PMEL: variants seen among roughly 807,000 people sequenced by gnomAD.
PMEL encodes the protein melanocyte protein PMEL.
A neutral mutation model predicts 64.9 loss-of-function variants in PMEL; 53 were observed. The ratio of observed to expected loss-of-function variants is 0.82; its 90% CI spans 0.66 to 1.03. The LOEUF is 1.03. Among genes scored for constraint, PMEL ranks in the 50% least tolerant of loss-of-function variants. The pLI, the probability that PMEL is intolerant of heterozygous loss-of-function variation, is 0.00. For missense variants in PMEL, 716 were observed against 814.9 expected, an observed-to-expected ratio of 0.88 and a Z score of 1.48; for synonymous variants, 299 against 316.2, an observed-to-expected ratio of 0.95 and a Z score of 0.58.
chr12:55,965,720 T>C (rs1374919990), intron 1 of PMEL, among the ~76,000 whole-genome samples: 1 of 152,178 alleles, frequency 6.6e-6, no homozygotes, highest in South Asian at 2.1e-4. Flanking sequence ...AGAGACCTTC[T>C]ATCCTTCTGC....
intron 6 of PMEL, chr12:55,956,495 G>A: frequency 2.5e-6 from 1 of 400,264 alleles, no homozygotes; most frequent in Admixed American, 4.1e-5. Context: ...CAGGTCCTAG[G>A]CTAGACATTC....
intron 10 of PMEL, among the ~76,000 whole-genome samples, chr12:55,954,899 C>T (rs1304269952): frequency 3.3e-5 from 5 of 151,434 alleles, no homozygotes; most frequent in South Asian, 2.1e-4. Flanking sequence ...GGTGAAACTC[C>T]GTCTCAAAAA....
Position 55,958,646 on chromosome 12 carries a change from T to C in PMEL, c.335-39A>G, listed in dbSNP as rs762027096. ...ACAGAGTCACTCTCAAACCCTGGCA[T>C]TCTTTTTTGTATATCAAAACCCCTA... is the stretch of plus-strand genomic sequence containing the variant. On this transcript the variant is annotated intron_variant, in intron 3 of 10. Transcript: ENST00000548747. 8 of 1,596,828 alleles carry C rather than the reference T, an allele frequency of 5.0e-6. 1 individual carries two copies. The Admixed American group carries it at 1.4e-4, about 28-fold the overall frequency.
chr12:55,957,648 CGCT>C lies in PMEL; in HGVS notation c.652_654del (p.Ser218del). 6.2e-7 allele frequency: 1 copy of C among 1,611,632 alleles called. No homozygotes were observed. On this transcript the variant is annotated inframe_deletion, in exon 6 of 11. Transcript: ENST00000548747. ...CCATCCAAGGCCCGCAACTGGGACACGCTCACGGAGAAAGGCACCTGGTCTGGG... is the reference window on the plus strand; with the variant it reads ...CCATCCAAGGCCCGCAACTGGGACACCACGGAGAAAGGCACCTGGTCTGGG...
intron 3 of PMEL, among the ~76,000 whole-genome samples, chr12:55,959,804 C>T (rs1409555137): frequency 6.6e-6 from 1 of 151,904 alleles, no homozygotes; most frequent in East Asian, 1.9e-4. Context: ...GACTCTGTCT[C>T]AAAAATAAAT....
rs753104093 is a variant in PMEL, at chr12:55,954,308, G to C, written c.1892C>G (p.Pro631Arg). Residue 631 changes from proline to arginine, a missense_variant, in exon 11 of 11, where the codon CCA (proline) becomes CGA (arginine). Transcript: ENST00000548747. ...MKQDFSVPQL[P>R]HSSSHWLRLP... ...ACGCAGCCAGTGACTGCTGCTATGTGGCAACTGGGGTACGGAGAAGTCTTG... is the reference window on the plus strand; with the variant it reads ...ACGCAGCCAGTGACTGCTGCTATGTCGCAACTGGGGTACGGAGAAGTCTTG... 17 of 1,613,970 alleles carry C rather than the reference G, an allele frequency of 1.1e-5. 1 individual carries two copies. In the Admixed American group the frequency reaches 2.2e-4, roughly 21 times the overall value.
Position 55,955,329 on chromosome 12 carries a change from T to G in PMEL, c.1795A>C (p.Ile599Leu), listed in dbSNP as rs1369170766. 1.1e-5 allele frequency: 17 copies of G among 1,614,164 alleles called. No individual in the cohort carries two copies. The highest frequency in any genetic ancestry group is 1.4e-5 in the Non-Finnish European group (17 of 1,180,022). Residue 599 changes from isoleucine (I) to leucine (L), a missense_variant, in exon 10 of 11, where the codon ATC becomes CTC. Coordinates refer to ENST00000548747, the MANE Select transcript of PMEL (RefSeq NM_001384361.1). ...ATCAACACCAGCAAGATGCCCACGA[T>G]CAGCGGAACCTGCCCAAGGCCTGCT... ...QEAGLGQVPL[I>L]VGILLVLMAV...
upstream of PMEL, chr12:55,966,698 G>C (rs1275179574): frequency 1.8e-5 from 20 of 1,106,832 alleles, no homozygotes; most frequent in Non-Finnish European, 2.2e-5. Context: ...ATCATTTGCG[G>C]GGAGGAGCGC....
chr12:55,955,514 AGAGACACATTGAGGCAGTATGTCCCC>A lies in PMEL; in HGVS notation c.1686_1711del (p.Thr564Ter). 6.2e-7 allele frequency: 1 copy of A among 1,614,158 alleles called. No homozygotes were observed. The highest frequency in any genetic ancestry group is 8.5e-7 in the Non-Finnish European group (1 of 1,179,990). On this transcript the variant is annotated frameshift_variant, in exon 9 of 11. Transcript: ENST00000548747. LOFTEE classifies it high-confidence loss of function. ...CACTGCCAGGCTGTTGGTATCAGCCAGAGACACATTGAGGCAGTATGTCCCCGAGCCACCCTTCAGTATCTGGTGCA... is the reference window on the plus strand; with the variant it reads ...CACTGCCAGGCTGTTGGTATCAGCCAGAGCCACCCTTCAGTATCTGGTGCA...
At chr12:55,954,634 G>A (rs924684981) in intron 10 of PMEL, among the ~76,000 whole-genome samples, 4 of 152,130 alleles carry the variant, frequency 2.6e-5, no homozygotes, top group African/African-American at 7.2e-5. Flanking sequence ...GGCCAGGCAC[G>A]GTGGCTCATG....
chr12:55,954,268 G>T lies in PMEL; in HGVS notation c.1932C>A (p.Phe644Leu). The T allele has an allele frequency of 1.9e-6, 3 of 1,614,050 alleles. No individual in the cohort carries two copies. Among genetic ancestry groups the T allele is most frequent in the Non-Finnish European group, 2.5e-6 (3 of 1,179,902 alleles). ...SSHWLRLPRI[F>L]CSCPIGENSP... is the part of the protein sequence containing the mutation. ...TGTTCTCACCAATGGGACAAGAGCA[G>T]AAGATGCGGGGTAGACGCAGCCAGT... Residue 644 changes from phenylalanine to leucine, a missense_variant, in exon 11 of 11, where the codon TTC becomes TTA. Transcript: ENST00000548747.
At chr12:55,959,386 A>AAAATAAATAAATAAATAAAT (rs200660768) in intron 3 of PMEL, among the ~76,000 whole-genome samples, 34 of 150,090 alleles carry the variant, frequency 2.3e-4, no homozygotes, top group African/African-American at 8.2e-4. Context: ...CCCCGACTTT[A>AAAATAAATAAATAAATAAAT]AAATAAATAA....
chr12:55,958,164 T>C, intron 4 of PMEL, 80 bp from the exon 5 acceptor site: 4 of 1,421,180 alleles, frequency 2.8e-6, no homozygotes, highest in Non-Finnish European at 3.9e-6. Flanking sequence ...GAAACGGCAC[T>C]GGAGATGGGA....
intron 7 of PMEL, 60 bp downstream of exon 7, chr12:55,956,043 T>C (rs1291538364): frequency 2.4e-6 from 3 of 1,254,136 alleles, no homozygotes; most frequent in East Asian, 2.3e-5. Context: ...GTGCTTCCAC[T>C]GACCAGCCCT....
intron 10 of PMEL, among the ~76,000 whole-genome samples, chr12:55,954,960 A>T (rs555807903): frequency 1.3e-5 from 2 of 152,136 alleles, no homozygotes; most frequent in South Asian, 4.2e-4. Context: ...CATATTATTA[A>T]CAACAGTCAT....
chr12:55,965,518 G>T (rs1889265605), intron 1 of PMEL, among the ~76,000 whole-genome samples: 1 of 151,618 alleles, frequency 6.6e-6, no homozygotes, highest in Admixed American at 6.6e-5. Flanking sequence ...TCTGGGCTGT[G>T]TTCACCCGTA....
chr12:55,960,458 C>A (rs187575417), intron 3 of PMEL, among the ~76,000 whole-genome samples: 2 of 151,682 alleles, frequency 1.3e-5, no homozygotes, highest in African/African-American at 4.8e-5. Flanking sequence ...GTCTCGACCT[C>A]CCAGGCTCAT....
At chr12:55,958,757 G>A in intron 3 of PMEL, 150 bp from the exon 4 acceptor site, 1 of 758,966 alleles carries the variant, frequency 1.3e-6, no homozygotes. Context: ...CATTTGGGGT[G>A]GTAGTTGGGG....
At position 55,955,632 on chromosome 12, in the gene PMEL, C is replaced by A. The variant is rs1888843141; in HGVS notation, c.1594G>T (p.Gly532Trp). ...KEACMEISSP[G>W]CQPPAQRLCQ... ...AGCCGCTGGGCAGGGGGCTGGCACCCTGGCGATGAGATCTCCATGCAGGCT... is the reference window on the plus strand; with the variant it reads ...AGCCGCTGGGCAGGGGGCTGGCACCATGGCGATGAGATCTCCATGCAGGCT... The change falls in exon 9 of 11, where the codon GGG (glycine) becomes TGG (tryptophan). Residue 532 changes from glycine to tryptophan, a missense_variant. By Grantham distance (184) the Gly-to-Trp change is radical. Coordinates refer to ENST00000548747, the MANE Select transcript of PMEL (RefSeq NM_001384361.1). 1.2e-6 allele frequency: 2 copies of A among 1,613,414 alleles called. No individual in the cohort carries two copies. The highest frequency in any genetic ancestry group is 2.7e-5 in the African/African-American group (2 of 74,918).
Sources: gnomAD v4.1 joint callset for allele counts (sites outside exome capture counted in the v4.1 genomes callset) on GRCh38, gnomAD v4.1.1 for gene constraint, MANE v1.5 for transcripts, NCBI Gene and HGNC (gene_info 2026-07-23, HGNC 2026-07-21) for gene names.